Variants in SPTBN4 observed in about 807,000 individuals in gnomAD.
SPTBN4 encodes spectrin beta, non-erythrocytic 4.
In SPTBN4, 96 loss-of-function variants were observed where a neutral mutation model predicts 277.8. The ratio of observed to expected loss-of-function variants is 0.35; its 90% CI spans 0.29 to 0.41. The LOEUF is 0.41. SPTBN4 is among the 10% of genes least tolerant of loss of function. The probability of loss-of-function intolerance (pLI) is 1.00; values close to 1 mark genes in which losing one functional copy is unlikely to be tolerated. For missense variants in SPTBN4, 3,006 were observed against 3,595.7 expected (o/e 0.84, Z 4.19); for synonymous variants, 1,481 against 1,580.3 (o/e 0.94, Z 1.49).
Position 40,554,840 on chromosome 19 carries a change from GC to G in SPTBN4, c.5084+196del. On this transcript the variant is annotated intron_variant, in intron 24 of 35. Transcript: ENST00000598249. The surrounding 1 kb of genome is among the most constrained non-coding windows in gnomAD (Gnocchi z 5.7). ...GCTCAGGGATGGTTGAGAGGGTGGGGCCAGGAGCACCTGGATTTGAGTGTAG... is the reference window on the plus strand; with the variant it reads ...GCTCAGGGATGGTTGAGAGGGTGGGGCAGGAGCACCTGGATTTGAGTGTAG... The G allele has an allele frequency of 1.3e-6, 1 of 761,142 alleles. No homozygotes were observed. Among genetic ancestry groups the G allele is most frequent in the Non-Finnish European group, 2.1e-6 (1 of 481,954 alleles). 47.1% of individuals were successfully genotyped at this position (761,142 alleles called of 1,614,324 possible). A position where few individuals can be genotyped will look rare whatever the true frequency, so the allele number is the denominator to read the frequency against.
At position 40,560,423 on chromosome 19, in the gene SPTBN4, G is replaced by C; in HGVS notation, c.5915+20G>C. On this transcript the variant is annotated intron_variant, in intron 27 of 35. Coordinates refer to ENST00000598249, the MANE Select transcript of SPTBN4 (RefSeq NM_020971.3). This position sits in a 1 kb window ranked among gnomAD's most constrained non-coding sequence, Gnocchi z 5.2. ...GCCCAGGTGCCCCTCATCCCTCCTC[G>C]GGCTTCCTGCCTCCCCCTGGTGGCC... is the stretch of plus-strand genomic sequence containing the variant. 2.5e-6 allele frequency: 4 copies of C among 1,613,662 alleles called. No homozygotes were observed. Among genetic ancestry groups the C allele is most frequent in the South Asian group, 1.1e-5 (1 of 91,072 alleles).
intron 27 of SPTBN4, among the ~76,000 whole-genome samples, chr19:40,564,603 T>A (rs2081073989): frequency 6.6e-6 from 1 of 152,118 alleles, no homozygotes; most frequent in African/African-American, 2.4e-5. Flanking sequence ...TTTGGGAGGC[T>A]GAGGCAGGTG....
rs1164456435 is a variant in SPTBN4, at chr19:40,503,947, G to T, written c.1480G>T (p.Ala494Ser). ...RVQGVAELAQ[A>S]LAAEGYYDIR... ...GCAGGGTGTGGCGGAGCTGGCCCAG[G>T]CATTGGCAGCCGAAGGCTACTACGA... is the stretch of plus-strand genomic sequence containing the variant. The change falls in exon 12 of 36, where the codon GCA becomes TCA. Residue 494 changes from alanine (A) to serine (S), a missense_variant. By Grantham distance (99) the Ala-to-Ser change is moderately conservative. Around this residue, in one of 5 missense-constraint regions of SPTBN4, gnomAD observed 1,759 missense variants for 2,061.5 expected, o/e 0.85. Transcript: ENST00000598249. 2 of 1,613,962 alleles carry T rather than the reference G, an allele frequency of 1.2e-6. No homozygotes were observed. Among genetic ancestry groups the T allele is most frequent in the Non-Finnish European group, 1.7e-6 (2 of 1,179,996 alleles).
chr19:40,530,537 G>C (rs2145894330), intron 18 of SPTBN4: 1 of 980,658 alleles, frequency 1.0e-6, no homozygotes, highest in African/African-American at 1.8e-5. Context: ...GTTGAGGGGC[G>C]AGCACCCGCC....
intron 18 of SPTBN4, among the ~76,000 whole-genome samples, chr19:40,531,712 C>A (rs1392722446): frequency 6.6e-6 from 1 of 151,284 alleles, no homozygotes; most frequent in Non-Finnish European, 1.5e-5. Flanking sequence ...TTGGTGCTTG[C>A]GTTTTGGATG....
At chr19:40,526,681 C>T (rs113468750) in intron 17 of SPTBN4, among the ~76,000 whole-genome samples, 15 of 152,256 alleles carry the variant, frequency 9.9e-5, no homozygotes, top group African/African-American at 3.6e-4. Context: ...ATCTCCTGGG[C>T]TCAAACAATC....
At position 40,560,802 on chromosome 19, in the gene SPTBN4, G is replaced by A. The variant is rs1455441777; in HGVS notation, c.5915+399G>A. ...GCATGGGCTTATTGCTCACATAGTG[G>A]TTGGATGTGAGTGTCCAGCAGAATC... On this transcript the variant is annotated intron_variant, in intron 27 of 35. Coordinates refer to ENST00000598249, the MANE Select transcript of SPTBN4 (RefSeq NM_020971.3). The surrounding 1 kb of genome is among the most constrained non-coding windows in gnomAD (Gnocchi z 5.2). 3 of 1,096,016 alleles carry A rather than the reference G, an allele frequency of 2.7e-6. No homozygotes were observed. The highest frequency in any genetic ancestry group is 1.1e-4 in the East Asian group (2 of 18,590). The allele number at this position is 1,096,016 out of a possible 1,614,324, so 67.9% of individuals were successfully genotyped here. A position where few individuals can be genotyped will look rare whatever the true frequency, so the allele number is the denominator to read the frequency against.
rs139908356 is a variant in SPTBN4 at position 40,490,985 on chromosome 19, T to C, written c.495+737T>C. Among the ~76,000 whole-genome samples the C allele has an allele frequency of 5.5e-3, 834 of 152,014 alleles. 4 individuals are homozygous for C. Among genetic ancestry groups the C allele is most frequent in the African/African-American group, 0.019 (780 of 41,456 alleles). ...TGAGCCCAGCAGTGTGAGGCTGCCG[T>C]GAGCTATGATCATGCCACTGCACTC... On this transcript the variant is annotated intron_variant, in intron 4 of 35. Transcript: ENST00000598249. The surrounding 1 kb of genome is among the most constrained non-coding windows in gnomAD (Gnocchi z 4.3).
At chr19:40,492,053 C>A (rs955055430) in intron 4 of SPTBN4, among the ~76,000 whole-genome samples, 60 of 145,614 alleles carry the variant, frequency 4.1e-4, no homozygotes, top group Non-Finnish European at 4.5e-5. Context: ...AAAAAAAAAA[C>A]AAAGAAAGAT....
In SPTBN4 at chr19:40,549,405, G is replaced by C. The variant is rs1040393325; in HGVS notation, c.4576G>C (p.Asp1526His). The change falls in exon 21 of 36, where the codon GAC (aspartate) becomes CAC (histidine). Residue 1526 changes from aspartate (D) to histidine (H), a missense_variant. This residue lies in a region of SPTBN4 where 1,759 missense variants were observed against 2,061.5 expected (regional missense o/e 0.85). Transcript: ENST00000598249. ...ELHQVAHDLD[D>H]ELAWVQERLP... ...GCACCAGGTGGCGCACGACCTGGACGACGAGCTGGTGAGGCCAGCGCAGGG... is the reference window on the plus strand; with the variant it reads ...GCACCAGGTGGCGCACGACCTGGACCACGAGCTGGTGAGGCCAGCGCAGGG... 2.0e-5 allele frequency: 27 copies of C among 1,348,564 alleles called. No individual in the cohort carries two copies. Among genetic ancestry groups the C allele is most frequent in the Non-Finnish European group, 2.6e-5 (27 of 1,033,920 alleles). The allele number at this position is 1,348,564 out of a possible 1,614,324, so 83.5% of individuals were successfully genotyped here. A position where few individuals can be genotyped will look rare whatever the true frequency, so the allele number is the denominator to read the frequency against.
intron 2 of SPTBN4, among the ~76,000 whole-genome samples, chr19:40,476,345 C>CAAA (rs60942038): frequency 8.7e-5 from 10 of 115,530 alleles, no homozygotes; most frequent in Admixed American, 2.0e-4. Context: ...AACTCTGTCT[C>CAAA]AAAAAAAAAA....
chr19:40,528,691 C>T (rs1356895162), intron 17 of SPTBN4, among the ~76,000 whole-genome samples: 6 of 151,850 alleles, frequency 4.0e-5, no homozygotes, highest in Non-Finnish European at 8.8e-5. Context: ...TCTGGTGTCT[C>T]CTCTCACTTT....
At position 40,519,418 on chromosome 19, in the gene SPTBN4, A is replaced by G. The variant is rs1319854161; in HGVS notation, c.2921A>G (p.Glu974Gly). The G allele has an allele frequency of 5.1e-6, 8 of 1,580,546 alleles. No individual in the cohort carries two copies. The highest frequency in any genetic ancestry group is 6.9e-6 in the Non-Finnish European group (8 of 1,165,504). ...HLNSRWNRIV[E>G]LVEQRKEEMS... Reference sequence around the variant, plus strand: ...CTGGGCAGGTGGAACCGCATCGTGGAGCTAGTGGAACAGCGCAAAGAGGAA... The same window carrying G: ...CTGGGCAGGTGGAACCGCATCGTGGGGCTAGTGGAACAGCGCAAAGAGGAA... Residue 974 changes from glutamate (E) to glycine (G), a missense_variant, in exon 16 of 36, where the codon GAG becomes GGG. Glu to Gly is a moderately conservative substitution (Grantham distance 98). Around this residue, in one of 5 missense-constraint regions of SPTBN4, gnomAD observed 1,759 missense variants for 2,061.5 expected, o/e 0.85. Coordinates refer to ENST00000598249, the MANE Select transcript of SPTBN4 (RefSeq NM_020971.3). This position sits in a 1 kb window ranked among gnomAD's most constrained non-coding sequence, Gnocchi z 5.7.
chr19:40,498,539 T>C (rs1009750455), intron 7 of SPTBN4, among the ~76,000 whole-genome samples: 2 of 140,586 alleles, frequency 1.4e-5, no homozygotes, highest in Admixed American at 7.1e-5. Context: ...CCAAGTAGCT[T>C]GGACTACAGG....
intron 15 of SPTBN4, among the ~76,000 whole-genome samples, chr19:40,518,106 G>C (rs1213234042): frequency 6.6e-6 from 1 of 152,204 alleles, no homozygotes; most frequent in African/African-American, 2.4e-5. Flanking sequence ...AGGAGTTTGA[G>C]ACCAGCCTGG....
Position 40,554,078 on chromosome 19 carries a change from G to C in SPTBN4, c.4675-69G>C. ...CCCGTGGGCCGTGCCAGTAGCAGAG[G>C]AGCGTGTGGTCTTGCAGGGCCTCGG... On this transcript the variant is annotated intron_variant, in intron 22 of 35. Transcript: ENST00000598249. This position sits in a 1 kb window ranked among gnomAD's most constrained non-coding sequence, Gnocchi z 5.7. The C allele has an allele frequency of 7.3e-7, 1 of 1,361,160 alleles. No individual in the cohort carries two copies. The highest frequency in any genetic ancestry group is 9.5e-7 in the Non-Finnish European group (1 of 1,058,026). 84.3% of individuals were successfully genotyped at this position (1,361,160 alleles called of 1,614,324 possible).
chr19:40,528,592 T>G (rs1270242843), intron 17 of SPTBN4, among the ~76,000 whole-genome samples: 1 of 152,186 alleles, frequency 6.6e-6, no homozygotes, highest in Non-Finnish European at 1.5e-5. Flanking sequence ...CTCCTCTCTT[T>G]CGTCGTCTGC....
chr19:40,506,491 C>T, intron 13 of SPTBN4, 105 bp downstream of exon 13: 3 of 1,441,296 alleles, frequency 2.1e-6, no homozygotes. Flanking sequence ...AGCTCCTTGT[C>T]CTTGGAGGCA....
Position 40,472,853 on chromosome 19 carries a change from C to T in SPTBN4, c.169+63C>T, listed in dbSNP as rs62106997. On this transcript the variant is annotated intron_variant, in intron 2 of 35. Transcript: ENST00000598249. Reference sequence around the variant, plus strand: ...GGGAAGGGGGAAGGGTGCCCGAGAACCTTGGTGGCTGGGAGGGTGGGAAAA... The same window carrying T: ...GGGAAGGGGGAAGGGTGCCCGAGAATCTTGGTGGCTGGGAGGGTGGGAAAA... The T allele has an allele frequency of 0.15, 208,651 of 1,412,712 alleles. 18,997 individuals are homozygous for T. The highest frequency in any genetic ancestry group is 0.29 in the African/African-American group (19,908 of 68,794). The allele number at this position is 1,412,712 out of a possible 1,614,324, so 87.5% of individuals were successfully genotyped here. A position where few individuals can be genotyped will look rare whatever the true frequency, so the allele number is the denominator to read the frequency against.
Sources: allele counts gnomAD v4.1 joint callset (sites outside exome capture counted in the v4.1 genomes callset), GRCh38; gene constraint gnomAD v4.1.1; regional missense constraint gnomAD v4.1.1; non-coding constraint Gnocchi (gnomAD v3.1); transcripts MANE v1.5; gene names NCBI Gene and HGNC (gene_info 2026-07-23, HGNC 2026-07-21).